ASTN2: variants seen among roughly 807,000 people sequenced by gnomAD.
The protein encoded by ASTN2 is astrotactin-2.
A neutral mutation model predicts 139.8 loss-of-function variants in ASTN2; 54 were observed. That is an observed-to-expected ratio of 0.39 (90% CI 0.31 to 0.48). The LOEUF (loss-of-function observed/expected upper bound fraction) is 0.48. Ranked by LOEUF, ASTN2 falls within the 20% of genes least tolerant of loss-of-function variation. The pLI, the probability that ASTN2 is intolerant of heterozygous loss-of-function variation, is 0.95. For missense variants in ASTN2, 1,565 were observed against 1,725.1 expected (o/e 0.91, Z 1.64); for synonymous variants, 756 against 719.5 (o/e 1.05, Z -0.81).
At chr9:116,871,650 CT>C (rs1209920487) in intron 10 of ASTN2, among the ~76,000 whole-genome samples, 1 of 152,186 alleles carries the variant, frequency 6.6e-6, no homozygotes, top group Admixed American at 6.5e-5. Context: ...TACTTCATTC[CT>C]TTTGTATTGC....
At chr9:117,161,010 C>G (rs1445390190) in intron 3 of ASTN2, among the ~76,000 whole-genome samples, 1 of 152,034 alleles carries the variant, frequency 6.6e-6, no homozygotes, top group Non-Finnish European at 1.5e-5. Context: ...GTAGTGATGA[C>G]ATTTTCTGAG....
intron 16 of ASTN2, among the ~76,000 whole-genome samples, chr9:116,716,897 G>T (rs1474522974): frequency 6.6e-6 from 1 of 152,164 alleles, no homozygotes; most frequent in Non-Finnish European, 1.5e-5. Context: ...TTTACCTGTG[G>T]ATAAGAGAAA....
chr9:116,832,328 A>G (rs1316361898), intron 11 of ASTN2, among the ~76,000 whole-genome samples: 1 of 151,862 alleles, frequency 6.6e-6, no homozygotes, highest in Non-Finnish European at 1.5e-5. Context: ...TTCTTATCTG[A>G]ATGCCTTCTT....
chr9:116,902,558 A>G (rs1834040194), intron 10 of ASTN2, among the ~76,000 whole-genome samples: 1 of 152,082 alleles, frequency 6.6e-6, no homozygotes, highest in African/African-American at 2.4e-5. Context: ...TTTATAGCCC[A>G]GGAGGCTGTG....
intron 20 of ASTN2, among the ~76,000 whole-genome samples, chr9:116,445,883 G>A (rs1046812770): frequency 6.6e-6 from 1 of 152,148 alleles, no homozygotes; most frequent in Non-Finnish European, 1.5e-5. Flanking sequence ...TCGGGATGGA[G>A]GAGGCCTCAG....
chr9:116,780,313 T>G (rs905472458), intron 13 of ASTN2, among the ~76,000 whole-genome samples: 2 of 152,240 alleles, frequency 1.3e-5, no homozygotes, highest in African/African-American at 4.8e-5. Context: ...CTGATTTAAA[T>G]GCACCTTTCT....
intron 13 of ASTN2, among the ~76,000 whole-genome samples, chr9:116,800,491 T>C (rs939682195): frequency 1.2e-4 from 19 of 152,152 alleles, no homozygotes; most frequent in African/African-American, 4.1e-4. Flanking sequence ...GTAGCCTACA[T>C]GCAGTGACCT....
In ASTN2 at chr9:117,016,610, C is replaced by CATATATATAGGT. The variant is rs1564385678; in HGVS notation, c.1424-8352_1424-8351insACCTATATATAT. On this transcript the variant is annotated intron_variant, in intron 6 of 22. Coordinates refer to ENST00000313400, the MANE Select transcript of ASTN2 (RefSeq NM_001365068.1). ...CTAGGTTTTATATATATATCTATAT[C>CATATATATAGGT]TATATCTATCTATCTATATATATAT... Among the ~76,000 whole-genome samples the CATATATATAGGT allele has an allele frequency of 9.8e-4, 22 of 22,404 alleles. 4 individuals are homozygous for CATATATATAGGT. Among genetic ancestry groups the CATATATATAGGT allele is most frequent in the East Asian group, 4.5e-3 (3 of 662 alleles). The allele number at this position is 22,404 out of a possible 152,430, so 14.7% of individuals were successfully genotyped here. A position where few individuals can be genotyped will look rare whatever the true frequency, so the allele number is the denominator to read the frequency against.
chr9:117,016,813 T>TTATATATA (rs11378164), intron 6 of ASTN2, among the ~76,000 whole-genome samples: 51 of 92,578 alleles, frequency 5.5e-4, no homozygotes, highest in African/African-American at 1.4e-3. Flanking sequence ...TATATATGTT[T>TTATATATA]TATATATATA....
chr9:116,575,609 G>A (rs1224613745), intron 19 of ASTN2, among the ~76,000 whole-genome samples: 5 of 152,166 alleles, frequency 3.3e-5, no homozygotes, highest in Non-Finnish European at 7.3e-5. Context: ...CCTAGGCTAA[G>A]AAAGCACCCC....
At chr9:117,050,649 G>A (rs560508946) in intron 5 of ASTN2, among the ~76,000 whole-genome samples, 1 of 152,238 alleles carries the variant, frequency 6.6e-6, no homozygotes, top group South Asian at 2.1e-4. Context: ...AATATGAACC[G>A]AGACCTATTG....
At chr9:116,884,972 T>C (rs549713535) in intron 10 of ASTN2, among the ~76,000 whole-genome samples, 2 of 152,068 alleles carry the variant, frequency 1.3e-5, no homozygotes, top group South Asian at 4.2e-4. Context: ...CCCGCCACTG[T>C]GCCCGGCTAA....
intron 1 of ASTN2, among the ~76,000 whole-genome samples, chr9:117,384,671 C>T (rs1175393532): frequency 1.3e-5 from 2 of 152,172 alleles, no homozygotes; most frequent in Non-Finnish European, 2.9e-5. Flanking sequence ...CTTGAAAGGC[C>T]CTCCCAGGTT....
At chr9:117,383,171 TTTTC>T (rs1564176877) in intron 1 of ASTN2, among the ~76,000 whole-genome samples, 1 of 152,244 alleles carries the variant, frequency 6.6e-6, no homozygotes, top group Non-Finnish European at 1.5e-5. Flanking sequence ...CTTCTTTTGA[TTTTC>T]TTTCTAACCA....
At chr9:116,441,636 G>C (rs897550171) in intron 21 of ASTN2, among the ~76,000 whole-genome samples, 1 of 151,678 alleles carries the variant, frequency 6.6e-6, no homozygotes, top group East Asian at 1.9e-4. Flanking sequence ...GTTTATTATT[G>C]AGCCATCTGC....
chr9:116,796,665 A>G lies in ASTN2; in HGVS notation c.2396+8967T>C, dbSNP rs1269888261. ...TGTCAGGAACTGGGTGAAGGGAAAA[A>G]TGGGGAGGCAAGGACTAAAGGGCAC... On this transcript the variant is annotated intron_variant, in intron 13 of 22. Transcript: ENST00000313400. Among the ~76,000 whole-genome samples, 5 of 152,180 alleles carry G rather than the reference A, an allele frequency of 3.3e-5. No individual in the cohort carries two copies. The East Asian group carries it at 9.6e-4, about 29-fold the overall frequency.
At chr9:116,791,199 A>AT (rs1830548517) in intron 13 of ASTN2, among the ~76,000 whole-genome samples, 2 of 152,336 alleles carry the variant, frequency 1.3e-5, no homozygotes, top group African/African-American at 4.8e-5. Context: ...CAGATGTTCA[A>AT]TAAAAACTCG....
chr9:117,198,443 G>T (rs1831584402), intron 3 of ASTN2, among the ~76,000 whole-genome samples: 1 of 151,824 alleles, frequency 6.6e-6, no homozygotes, highest in Admixed American at 6.6e-5. Flanking sequence ...TTAAGTTCTG[G>T]GATACAAGTG....
At chr9:117,393,751 C>T (rs1032246234) in intron 1 of ASTN2, among the ~76,000 whole-genome samples, 7 of 152,044 alleles carry the variant, frequency 4.6e-5, no homozygotes, top group African/African-American at 1.7e-4. Context: ...AATGGGCAGG[C>T]TCTGAGGTGG....
Sources: allele counts gnomAD v4.1 joint callset (sites outside exome capture counted in the v4.1 genomes callset), GRCh38; gene constraint gnomAD v4.1.1; transcripts MANE v1.5; gene names NCBI Gene and HGNC (gene_info 2026-07-23, HGNC 2026-07-21).